GPM6A: variants seen among roughly 807,000 people sequenced by gnomAD.
GPM6A encodes neuronal membrane glycoprotein M6-a.
In GPM6A, 7 loss-of-function variants were observed where a neutral mutation model predicts 32.1. That is an observed-to-expected ratio of 0.22 (90% CI 0.12 to 0.41). The LOEUF (loss-of-function observed/expected upper bound fraction) is 0.41. Ranked by LOEUF, GPM6A falls within the 10% of genes least tolerant of loss-of-function variation. The pLI is 1.00. For synonymous variants in GPM6A, 130 were observed against 123.4 expected (o/e 1.05, Z -0.35); for missense variants, 235 against 347.2 (o/e 0.68, Z 2.57).
At chr4:175,648,282 T>C (rs1741588215) in intron 4 of GPM6A, among the ~76,000 whole-genome samples, 1 of 152,166 alleles carries the variant, frequency 6.6e-6, no homozygotes, top group South Asian at 2.1e-4. Context: ...GAGAGTAGAC[T>C]GCAGTAGGCA....
At chr4:175,940,624 C>T (rs986655809) in intron 1 of GPM6A, among the ~76,000 whole-genome samples, 4 of 152,016 alleles carry the variant, frequency 2.6e-5, no homozygotes, top group Admixed American at 6.5e-5. Flanking sequence ...CACGTCCCCC[C>T]GAGATGGAGT....
chr4:175,839,883 C>G (rs1182274833), intron 1 of GPM6A, among the ~76,000 whole-genome samples: 3 of 152,124 alleles, frequency 2.0e-5, no homozygotes, highest in African/African-American at 7.2e-5. Flanking sequence ...TAATATTACT[C>G]TACCATGACA....
At chr4:175,666,975 G>A (rs187466519) in intron 3 of GPM6A, among the ~76,000 whole-genome samples, 1 of 152,236 alleles carries the variant, frequency 6.6e-6, no homozygotes, top group Non-Finnish European at 1.5e-5. Flanking sequence ...AAATTCATAC[G>A]TTATGGAGAT....
intron 1 of GPM6A, among the ~76,000 whole-genome samples, chr4:175,921,610 T>C (rs1738671684): frequency 6.6e-6 from 1 of 151,986 alleles, no homozygotes; most frequent in South Asian, 2.1e-4. Context: ...TAGGAAAAAA[T>C]AGAATTATGC....
At chr4:175,835,283 T>G (rs1273609842) in intron 1 of GPM6A, among the ~76,000 whole-genome samples, 1 of 152,136 alleles carries the variant, frequency 6.6e-6, no homozygotes, top group Non-Finnish European at 1.5e-5. Context: ...GGAAATTGAC[T>G]TGCTTACTTT....
intron 4 of GPM6A, among the ~76,000 whole-genome samples, chr4:175,645,876 G>T (rs553900019): frequency 6.6e-6 from 1 of 152,066 alleles, no homozygotes; most frequent in African/African-American, 2.4e-5. Flanking sequence ...TATCATTTAC[G>T]TTGCTAATTT....
At chr4:175,964,057 C>T (rs554572791) in intron 1 of GPM6A, among the ~76,000 whole-genome samples, 2 of 149,106 alleles carry the variant, frequency 1.3e-5, no homozygotes, top group Admixed American at 6.7e-5. Flanking sequence ...ACATTAAATG[C>T]TCAATTAAAA....
At chr4:175,840,007 T>G (rs1403065919) in intron 1 of GPM6A, among the ~76,000 whole-genome samples, 1 of 152,202 alleles carries the variant, frequency 6.6e-6, no homozygotes, top group Non-Finnish European at 1.5e-5. Context: ...CCCAATTAAA[T>G]TCTTCAGTAA....
intron 1 of GPM6A, among the ~76,000 whole-genome samples, chr4:175,779,454 G>A (rs377094015): frequency 3.9e-5 from 6 of 152,246 alleles, no homozygotes; most frequent in East Asian, 1.9e-4. Flanking sequence ...AATATTGAGT[G>A]TAATGAATAG....
intron 3 of GPM6A, among the ~76,000 whole-genome samples, chr4:175,663,994 A>G (rs540012624): frequency 1.3e-5 from 2 of 152,208 alleles, no homozygotes; most frequent in South Asian, 4.2e-4. Context: ...GCCCAGCCAA[A>G]ATATAAATAT....
intron 1 of GPM6A, among the ~76,000 whole-genome samples, chr4:175,947,188 A>T (rs1450975492): frequency 8.1e-5 from 2 of 24,568 alleles, no homozygotes; most frequent in African/African-American, 1.4e-4. Flanking sequence ...CAGAGTCTTT[A>T]AAAAAAAAAA....
At chr4:175,707,550 A>T (rs898268313) in intron 1 of GPM6A, among the ~76,000 whole-genome samples, 1 of 152,158 alleles carries the variant, frequency 6.6e-6, no homozygotes, top group Non-Finnish European at 1.5e-5. Context: ...AAATTCTTTC[A>T]TTGATTCTGT....
chr4:175,791,691 C>T (rs951095245), intron 1 of GPM6A, among the ~76,000 whole-genome samples: 2 of 152,038 alleles, frequency 1.3e-5, no homozygotes, highest in Non-Finnish European at 2.9e-5. Flanking sequence ...AGAATGAAAG[C>T]ACTCATCTAA....
intron 1 of GPM6A, among the ~76,000 whole-genome samples, chr4:175,919,585 C>T (rs566591926): frequency 6.6e-4 from 101 of 152,148 alleles, no homozygotes; most frequent in Non-Finnish European, 1.3e-3. Context: ...AAAAATTAGG[C>T]CAAAGCTTTC....
chr4:175,718,614 GA>G (rs927868630), intron 1 of GPM6A, among the ~76,000 whole-genome samples: 4 of 150,250 alleles, frequency 2.7e-5, no homozygotes, highest in East Asian at 2.0e-4. Context: ...AGACTCTGTC[GA>G]AAAAAAAATA....
At chr4:175,883,636 T>A (rs182115125) in intron 1 of GPM6A, among the ~76,000 whole-genome samples, 1 of 152,278 alleles carries the variant, frequency 6.6e-6, no homozygotes, top group Admixed American at 6.5e-5. Flanking sequence ...GAATTGAATA[T>A]CAAAAATCAT....
At chr4:175,763,916 C>T (rs528795950) in intron 1 of GPM6A, among the ~76,000 whole-genome samples, 4 of 152,010 alleles carry the variant, frequency 2.6e-5, no homozygotes, top group African/African-American at 9.7e-5. Flanking sequence ...TTTCTGAGTA[C>T]TTTTTATGCA....
chr4:175,723,534 G>T (rs1746250001), intron 1 of GPM6A, among the ~76,000 whole-genome samples: 1 of 152,126 alleles, frequency 6.6e-6, no homozygotes, highest in African/African-American at 2.4e-5. Context: ...GCAGGCAAAA[G>T]GGTATTTCTG....
intron 1 of GPM6A, among the ~76,000 whole-genome samples, chr4:175,887,302 G>A (rs72704507): frequency 0.085 from 12,889 of 151,916 alleles, 718 homozygotes; most frequent in Non-Finnish European, 0.12. Flanking sequence ...CACAATTTAA[G>A]TTAAAAACTT....
Sources: gnomAD v4.1 joint callset for allele counts (sites outside exome capture counted in the v4.1 genomes callset) on GRCh38, gnomAD v4.1.1 for gene constraint, MANE v1.5 for transcripts, NCBI Gene and HGNC (gene_info 2026-07-23, HGNC 2026-07-21) for gene names.